Variants in CEP152 observed in about 807,000 individuals in gnomAD.
The protein encoded by CEP152 is centrosomal protein 152.
In CEP152, 132 loss-of-function variants were observed where a neutral mutation model predicts 188.9. The ratio of observed to expected loss-of-function variants is 0.70; its 90% CI spans 0.61 to 0.81. CEP152 has a LOEUF of 0.81. Ranked by LOEUF, CEP152 falls within the 30% of genes least tolerant of loss-of-function variation. The pLI, the probability that CEP152 is intolerant of heterozygous loss-of-function variation, is 0.00. For synonymous variants in CEP152, 649 were observed against 666.6 expected (o/e 0.97, Z 0.41); for missense variants, 1,914 against 1,969.8 (o/e 0.97, Z 0.54).
intron 9 of CEP152, 83 bp downstream of exon 9, chr15:48,788,718 T>C: frequency 1.6e-6 from 2 of 1,268,978 alleles, no homozygotes; most frequent in Non-Finnish European, 2.3e-6. Flanking sequence ...AAGACTTCTA[T>C]ATGATGAACC....
intron 10 of CEP152, 198 bp downstream of exon 10, chr15:48,783,775 G>A (rs200116085): frequency 2.2e-5 from 4 of 182,032 alleles, no homozygotes; most frequent in African/African-American, 7.5e-5. Flanking sequence ...ATGTGTGTAT[G>A]TATATATATA....
intron 17 of CEP152, 109 bp from the exon 18 acceptor site, chr15:48,762,781 G>C: frequency 9.6e-7 from 1 of 1,042,884 alleles, no homozygotes; most frequent in East Asian, 2.5e-5. Context: ...AAACCATCTA[G>C]ATATTGTTGT....
At chr15:48,810,899 T>A (rs968964416) in intron 1 of CEP152, 62 bp downstream of exon 1, 1 of 152,474 alleles carries the variant, frequency 6.6e-6, no homozygotes, top group Non-Finnish European at 1.5e-5. Context: ...TCAGCCAGCA[T>A]CCCGAGGACC....
At chr15:48,795,168 C>T (rs1486574975) in intron 6 of CEP152, among the ~76,000 whole-genome samples, 3 of 152,042 alleles carry the variant, frequency 2.0e-5, no homozygotes, top group Non-Finnish European at 4.4e-5. Flanking sequence ...AGTCACTATA[C>T]GGGTTTATAT....
At chr15:48,739,457 C>T (rs982810248) in intron 26 of CEP152, among the ~76,000 whole-genome samples, 169 bp from the exon 27 acceptor site, 1 of 152,102 alleles carries the variant, frequency 6.6e-6, no homozygotes, top group Non-Finnish European at 1.5e-5. Context: ...GAAAATACAT[C>T]AATGCTGGAC....
At position 48,762,485 on chromosome 15, in the gene CEP152, T is replaced by G. The variant is rs779936893; in HGVS notation, c.2468A>C (p.Asn823Thr). 1 of 1,614,084 alleles carries G rather than the reference T, an allele frequency of 6.2e-7. No homozygotes were observed. Among genetic ancestry groups the G allele is most frequent in the African/African-American group, 1.3e-5 (1 of 75,042 alleles). ...GGCTATGTCCTTCTCTTGTTCTAAG[T>G]TTTGCTGGATTGTGCACTTCTGCTC... is the stretch of plus-strand genomic sequence containing the variant. ...IEEQKCTIQQ[N>T]LEQEKDIAIK... Residue 823 changes from asparagine (N) to threonine (T), a missense_variant, in exon 18 of 27, where the codon AAC becomes ACC. Coordinates refer to ENST00000380950, the MANE Select transcript of CEP152 (RefSeq NM_001194998.2).
At chr15:48,791,536 G>T (rs1039312158) in intron 7 of CEP152, among the ~76,000 whole-genome samples, 160 bp from the exon 8 acceptor site, 2 of 152,036 alleles carry the variant, frequency 1.3e-5, no homozygotes, top group African/African-American at 4.8e-5. Flanking sequence ...ACTAAATAAA[G>T]AATTTACTTA....
intron 24 of CEP152, among the ~76,000 whole-genome samples, chr15:48,743,409 T>C (rs768520746): frequency 6.6e-5 from 10 of 152,322 alleles, no homozygotes; most frequent in Admixed American, 2.6e-4. Context: ...AACCAAGAAG[T>C]ATTCAAAACA....
chr15:48,787,171 T>TTTTTTTTTG (rs1896709085), intron 9 of CEP152, among the ~76,000 whole-genome samples: 2 of 141,958 alleles, frequency 1.4e-5, no homozygotes, highest in African/African-American at 2.6e-5. Flanking sequence ...TCGTTTTTTT[T>TTTTTTTTTG]TTTTTTTTTT....
chr15:48,780,034 G>A (rs543466961), intron 12 of CEP152, among the ~76,000 whole-genome samples: 2 of 152,186 alleles, frequency 1.3e-5, no homozygotes, highest in Admixed American at 6.5e-5. Flanking sequence ...GCTGCTGGCC[G>A]AAGGATGGAT....
chr15:48,762,532 T>C lies in CEP152; in HGVS notation c.2421A>G (p.Lys807=), dbSNP rs1190915195. The C allele has an allele frequency of 6.2e-7, 1 of 1,614,124 alleles. No homozygotes were observed. Among genetic ancestry groups the C allele is most frequent in the Non-Finnish European group, 8.5e-7 (1 of 1,180,010 alleles). Residue 807 remains lysine, a synonymous_variant, in exon 18 of 27, where the codon AAA becomes AAG. Transcript: ENST00000380950. ...QVTTSDVISK[K]EMAIMIEEQK... is the part of the protein sequence containing the mutation. Reference sequence around the variant, plus strand: ...GCTCTTCTATCATAATTGCCATCTCTTTCTTGGAAATAACATCACTGGTGG... The same window carrying C: ...GCTCTTCTATCATAATTGCCATCTCCTTCTTGGAAATAACATCACTGGTGG...
intron 17 of CEP152, among the ~76,000 whole-genome samples, chr15:48,763,833 T>C (rs1339191942): frequency 6.6e-6 from 1 of 152,234 alleles, no homozygotes; most frequent in Non-Finnish European, 1.5e-5. Context: ...GGTAACAAAT[T>C]ATGGGCTTCT....
chr15:48,738,703 G>C lies in CEP152; in HGVS notation c.4679C>G (p.Pro1560Arg). 6.2e-7 allele frequency: 1 copy of C among 1,614,172 alleles called. No homozygotes were observed. The highest frequency in any genetic ancestry group is 8.5e-7 in the Non-Finnish European group (1 of 1,180,020). ...AAGGTCCCCTCCATCTTTTACTGGA[G>C]GTTCCTGAACATCCAAACCTTGACT... ...EKSQGLDVQE[P>R]PVKDGGDLSD... The change falls in exon 27 of 27, where the codon CCT becomes CGT. Residue 1560 changes from proline to arginine, a missense_variant. Transcript: ENST00000380950.
At position 48,791,330 on chromosome 15, in the gene CEP152, G is replaced by T. The variant is rs762632850; in HGVS notation, c.879C>A (p.Leu293=). The change falls in exon 8 of 27, where the codon CTC becomes CTA. Residue 293 remains leucine, a synonymous_variant. Coordinates refer to ENST00000380950, the MANE Select transcript of CEP152 (RefSeq NM_001194998.2). ...LTLSLRESQK[L]FQNGKEREIQ... ...TCTCTCTTTCTTTTCCATTCTGAAA[G>T]AGTTTCTGTGATTCTCGAAGGCTGA... 11 of 1,612,598 alleles carry T rather than the reference G, an allele frequency of 6.8e-6. No homozygotes were observed. Among genetic ancestry groups the T allele is most frequent in the Non-Finnish European group, 9.3e-6 (11 of 1,179,678 alleles).
At chr15:48,736,898 T>C (rs535707535), downstream of CEP152, among the ~76,000 whole-genome samples, 9 of 152,248 alleles carry the variant, frequency 5.9e-5, no homozygotes, top group South Asian at 2.1e-4. Flanking sequence ...ACCAGATCCA[T>C]AGGGAGCATA....
intron 16 of CEP152, 52 bp from the exon 17 acceptor site, chr15:48,767,244 G>C (rs1476589277): frequency 1.2e-6 from 2 of 1,613,712 alleles, no homozygotes; most frequent in Non-Finnish European, 1.7e-6. Context: ...AAAAATACAA[G>C]AGCTGCATAA....
intron 22 of CEP152, 70 bp downstream of exon 22, chr15:48,748,373 G>A (rs1893616543): frequency 7.0e-7 from 1 of 1,429,248 alleles, no homozygotes; most frequent in South Asian, 1.6e-5. Context: ...TAACTAAAAT[G>A]TCACATTTGA....
chr15:48,772,773 G>T (rs1895654078), intron 12 of CEP152, 82 bp from the exon 13 acceptor site: 2 of 1,191,584 alleles, frequency 1.7e-6, no homozygotes, highest in Non-Finnish European at 1.2e-6. Context: ...TGACCACAGT[G>T]GTGAACATGT....
At position 48,731,189 on chromosome 15, in the gene CEP152, C is replaced by T. The variant is rs966157721; in HGVS notation, c.142+10442G>A. Reference sequence around the variant, plus strand: ...ATGTTTTAGTTACTCAAGATGAAAACGTTCTAGAGATCTGATGTAAAACAC... The same window carrying T: ...ATGTTTTAGTTACTCAAGATGAAAATGTTCTAGAGATCTGATGTAAAACAC... On this transcript the variant is annotated intron_variant and NMD_transcript_variant, in intron 2 of 3. Transcript: ENST00000561245. Among the ~76,000 whole-genome samples, 3 of 152,234 alleles carry T rather than the reference C, an allele frequency of 2.0e-5. No individual in the cohort carries two copies. The South Asian group carries it at 6.2e-4, about 32-fold the overall frequency.
Sources: gnomAD v4.1 joint callset for allele counts (sites outside exome capture counted in the v4.1 genomes callset) on GRCh38, gnomAD v4.1.1 for gene constraint, MANE v1.5 for transcripts, NCBI Gene and HGNC (gene_info 2026-07-23, HGNC 2026-07-21) for gene names.